CSMD1: variants seen among roughly 807,000 people sequenced by gnomAD.
CSMD1 encodes CUB and Sushi multiple domains 1, also known as CUB and sushi domain-containing protein 1.
Under a neutral mutation model 417.5 loss-of-function variants are expected in CSMD1, and 213 were observed. The observed-to-expected ratio is 0.51, with a 90% CI of 0.46 to 0.57. The LOEUF is 0.57. Among genes scored for constraint, CSMD1 ranks in the 20% least tolerant of loss-of-function variants. CSMD1 has a pLI of 0.00. For synonymous variants in CSMD1, 2,862 were observed against 1,736.8 expected (o/e 1.65, Z -16.11); for missense variants, 6,923 against 4,529.7 (o/e 1.53, Z -15.17).
chr8:3,709,680 G>GGTTTTTTTTTTTTTTTT (rs1554518393), intron 6 of CSMD1, among the ~76,000 whole-genome samples: 2 of 33,694 alleles, frequency 5.9e-5, no homozygotes, highest in Non-Finnish European at 1.1e-4. Context: ...GCAGCAGCAT[G>GGTTTTTTTTTTTTTTTT]TTTTTTTTTT....
chr8:4,108,533 C>T (rs1801687525), intron 3 of CSMD1, among the ~76,000 whole-genome samples: 2 of 152,096 alleles, frequency 1.3e-5, no homozygotes, highest in Admixed American at 1.3e-4. Context: ...TTATTTGTAA[C>T]CCCAACTGTT....
At chr8:3,831,598 C>A (rs137949271) in intron 5 of CSMD1, among the ~76,000 whole-genome samples, 322 of 152,274 alleles carry the variant, frequency 2.1e-3, no homozygotes, top group African/African-American at 7.5e-3. Flanking sequence ...AATGTCCTCT[C>A]TAATATTATA....
intron 5 of CSMD1, among the ~76,000 whole-genome samples, chr8:3,984,050 G>A (rs1413854353): frequency 6.8e-6 from 1 of 147,688 alleles, no homozygotes; most frequent in African/African-American, 2.5e-5. Flanking sequence ...AGATCTGATG[G>A]GGCTGTCAAT....
intron 1 of CSMD1, among the ~76,000 whole-genome samples, chr8:4,961,451 T>G (rs1157609291): frequency 1.3e-5 from 2 of 152,148 alleles, no homozygotes; most frequent in Non-Finnish European, 2.9e-5. Context: ...TTCTAGTTGA[T>G]TTCCTCAATA....
intron 5 of CSMD1, among the ~76,000 whole-genome samples, chr8:3,819,900 A>T (rs1801625451): frequency 6.6e-6 from 1 of 152,162 alleles, no homozygotes; most frequent in Non-Finnish European, 1.5e-5. Context: ...GAGTGCTATA[A>T]TAGAGGCAGA....
intron 3 of CSMD1, among the ~76,000 whole-genome samples, chr8:4,359,162 G>T (rs567998459): frequency 6.6e-6 from 1 of 152,154 alleles, no homozygotes; most frequent in South Asian, 2.1e-4. Flanking sequence ...TCACTAATAA[G>T]TTACTTGGTT....
chr8:4,633,172 C>A (rs563817887), intron 2 of CSMD1, among the ~76,000 whole-genome samples: 5 of 149,318 alleles, frequency 3.3e-5, no homozygotes, highest in East Asian at 4.0e-4. Context: ...AGGACAGGAG[C>A]CTTCGTAGGA....
intron 1 of CSMD1, among the ~76,000 whole-genome samples, chr8:4,893,221 G>C (rs891652486): frequency 1.3e-5 from 2 of 152,092 alleles, no homozygotes; most frequent in African/African-American, 2.4e-5. Context: ...ATTGGTATCT[G>C]AATTTCTTCT....
intron 4 of CSMD1, among the ~76,000 whole-genome samples, chr8:4,028,743 T>G (rs960958701): frequency 6.6e-6 from 1 of 152,182 alleles, no homozygotes; most frequent in African/African-American, 2.4e-5. Context: ...AATTATTACA[T>G]TAGTGCTTGT....
intron 2 of CSMD1, among the ~76,000 whole-genome samples, chr8:4,623,023 C>G (rs1433768225): frequency 1.3e-5 from 2 of 151,876 alleles, no homozygotes; most frequent in Admixed American, 6.6e-5. Flanking sequence ...TTTTTTAAGA[C>G]TAAAAAATGT....
intron 3 of CSMD1, among the ~76,000 whole-genome samples, chr8:4,353,433 T>C (rs1020652041): frequency 6.6e-6 from 1 of 152,140 alleles, no homozygotes; most frequent in Non-Finnish European, 1.5e-5. Flanking sequence ...AATTACCTAT[T>C]CTCGAGTATG....
intron 5 of CSMD1, among the ~76,000 whole-genome samples, chr8:3,775,989 G>A (rs908535166): frequency 1.3e-5 from 2 of 152,178 alleles, no homozygotes; most frequent in African/African-American, 4.8e-5. Context: ...TTCCTCCTCA[G>A]AGCTTCAGAC....
intron 54 of CSMD1, among the ~76,000 whole-genome samples, chr8:2,994,816 T>A (rs888186167): frequency 5.3e-5 from 8 of 152,142 alleles, no homozygotes; most frequent in Non-Finnish European, 1.5e-5. Flanking sequence ...CCTTTGTAAT[T>A]TAATAAATTA....
At chr8:3,457,361 TCA>T (rs1816219195) in intron 12 of CSMD1, among the ~76,000 whole-genome samples, 1 of 152,190 alleles carries the variant, frequency 6.6e-6, no homozygotes, top group Non-Finnish European at 1.5e-5. Context: ...CCTAACTTCT[TCA>T]GTTTCTCTCA....
chr8:3,232,073 C>G (rs1485055977), intron 26 of CSMD1, among the ~76,000 whole-genome samples: 1 of 152,158 alleles, frequency 6.6e-6, no homozygotes, highest in Non-Finnish European at 1.5e-5. Flanking sequence ...CAACTCTAAG[C>G]AATAGAGTAT....
chr8:3,066,172 T>G (rs1336302966), intron 49 of CSMD1, among the ~76,000 whole-genome samples: 2 of 152,226 alleles, frequency 1.3e-5, no homozygotes, highest in African/African-American at 4.8e-5. Flanking sequence ...TAGCATCGTG[T>G]ACAATTCTCT....
At chr8:4,927,527 C>G (rs1443379290) in intron 1 of CSMD1, among the ~76,000 whole-genome samples, 1 of 152,016 alleles carries the variant, frequency 6.6e-6, no homozygotes, top group Admixed American at 6.6e-5. Context: ...TTTCCGAGAG[C>G]AAGTGAGTTG....
chr8:3,949,566 G>C (rs1279421538), intron 5 of CSMD1, among the ~76,000 whole-genome samples: 1 of 152,146 alleles, frequency 6.6e-6, no homozygotes, highest in African/African-American at 2.4e-5. Flanking sequence ...TTATTTTGGG[G>C]TTCTTTTGTG....
intron 1 of CSMD1, among the ~76,000 whole-genome samples, chr8:4,951,426 A>AG (rs1808736773): frequency 6.6e-6 from 1 of 151,876 alleles, no homozygotes; most frequent in Admixed American, 6.6e-5. Context: ...TTAAAAAAAA[A>AG]GAAAAAGAAA....
Sources: allele counts gnomAD v4.1 joint callset (sites outside exome capture counted in the v4.1 genomes callset), GRCh38; gene constraint gnomAD v4.1.1; transcripts MANE v1.5; gene names NCBI Gene and HGNC (gene_info 2026-07-23, HGNC 2026-07-21).